LNX2: variants seen among roughly 807,000 people sequenced by gnomAD.
LNX2 encodes ligand of Numb protein X 2.
A neutral mutation model predicts 66.2 loss-of-function variants in LNX2; 35 were observed. The observed-to-expected ratio is 0.53, with a 90% CI of 0.40 to 0.70. LNX2 has a LOEUF of 0.70. LNX2 is among the 30% of genes least tolerant of loss of function. The pLI, the probability that LNX2 is intolerant of heterozygous loss-of-function variation, is 0.00. For missense variants in LNX2, 791 were observed against 850.8 expected (o/e 0.93, Z 0.87); for synonymous variants, 337 against 315.6 (o/e 1.07, Z -0.72).
At chr13:27,560,565 G>GTATATATATATA (rs71083675) in intron 5 of LNX2, among the ~76,000 whole-genome samples, 12,977 of 119,550 alleles carry the variant, frequency 0.11, 1,302 homozygotes, top group African/African-American at 0.22. Flanking sequence ...ATGTATGTGT[G>GTATATATATATA]TATATATATA....
intron 2 of LNX2, among the ~76,000 whole-genome samples, chr13:27,571,984 A>T (rs1955286586): frequency 1.3e-5 from 2 of 152,222 alleles, no homozygotes; most frequent in Admixed American, 6.5e-5. Flanking sequence ...AGCCAACATC[A>T]CACAGATATT....
chr13:27,550,470 A>G lies in LNX2; in HGVS notation c.1800T>C (p.Asp600=), dbSNP rs2138308890. ...GLPSTLHSCH[D]IVLRRSYLGS... is the part of the protein sequence containing the mutation. ...CCAAGTAACTTCTTCGTAAAACTAT[A>G]TCGTGGCAGCTATGAAGTGTGCTAT... The change falls in exon 9 of 10, where the codon GAT becomes GAC. Residue 600 remains aspartate, a synonymous_variant. Transcript: ENST00000316334. The G allele has an allele frequency of 6.2e-7, 1 of 1,614,088 alleles. No individual in the cohort carries two copies.
At chr13:27,549,140 C>T (rs1954976836) in intron 9 of LNX2, among the ~76,000 whole-genome samples, 2 of 152,132 alleles carry the variant, frequency 1.3e-5, no homozygotes, top group South Asian at 2.1e-4. Flanking sequence ...ATTCATTTTT[C>T]CCTACTCTGT....
chr13:27,606,910 C>T (rs771562987), intron 1 of LNX2, among the ~76,000 whole-genome samples: 13 of 152,178 alleles, frequency 8.5e-5, no homozygotes, highest in Non-Finnish European at 1.3e-4. Flanking sequence ...AAGATCTTCA[C>T]ATCAAAAATA....
At chr13:27,596,094 T>C (rs1346704940) in intron 1 of LNX2, among the ~76,000 whole-genome samples, 1 of 152,204 alleles carries the variant, frequency 6.6e-6, no homozygotes, top group Non-Finnish European at 1.5e-5. Flanking sequence ...TTGAACTGCA[T>C]GGGTTCACTC....
Position 27,562,480 on chromosome 13 carries a change from C to T in LNX2, c.1157G>A (p.Arg386Gln), listed in dbSNP as rs756394784. The T allele has an allele frequency of 5.6e-6, 9 of 1,614,128 alleles. No individual in the cohort carries two copies. The highest frequency in any genetic ancestry group is 7.6e-6 in the Non-Finnish European group (9 of 1,179,992). Reference protein sequence around the residue: ...AQDGRLSSNDRVLAINGHDLK... With the variant: ...AQDGRLSSNDQVLAINGHDLK... Reference sequence around the variant, plus strand: ...GTCGTGCCCATTGATGGCCAGCACTCGGTCATTGCTGCTTAGCCTGCCGTC... The same window carrying T: ...GTCGTGCCCATTGATGGCCAGCACTTGGTCATTGCTGCTTAGCCTGCCGTC... Residue 386 changes from arginine (R) to glutamine (Q), a missense_variant, in exon 5 of 10, where the codon CGA becomes CAA. Transcript: ENST00000316334.
At chr13:27,605,474 A>T (rs1313079297) in intron 1 of LNX2, among the ~76,000 whole-genome samples, 1 of 152,192 alleles carries the variant, frequency 6.6e-6, no homozygotes, top group Non-Finnish European at 1.5e-5. Context: ...AACTAAAATG[A>T]TCTTTAAAGT....
At chr13:27,594,269 T>C (rs896255135) in intron 1 of LNX2, among the ~76,000 whole-genome samples, 3 of 152,186 alleles carry the variant, frequency 2.0e-5, no homozygotes, top group Admixed American at 6.5e-5. Flanking sequence ...TTTATAACCT[T>C]AGCCCCAGTT....
intron 1 of LNX2, among the ~76,000 whole-genome samples, chr13:27,603,642 G>A (rs1233409579): frequency 6.6e-6 from 1 of 152,158 alleles, no homozygotes; most frequent in African/African-American, 2.4e-5. Flanking sequence ...GAGATAAACA[G>A]TTTCATGGTC....
At chr13:27,551,416 A>G (rs953645083) in intron 8 of LNX2, among the ~76,000 whole-genome samples, 1 of 152,088 alleles carries the variant, frequency 6.6e-6, no homozygotes, top group African/African-American at 2.4e-5. Context: ...AAATGTACTT[A>G]TGTTTCCATA....
At chr13:27,589,841 A>G (rs1021587418) in intron 1 of LNX2, among the ~76,000 whole-genome samples, 2 of 152,256 alleles carry the variant, frequency 1.3e-5, no homozygotes, top group Non-Finnish European at 2.9e-5. Context: ...ACCTCTGCCA[A>G]TAAGACCGCT....
intron 2 of LNX2, among the ~76,000 whole-genome samples, chr13:27,570,014 C>A (rs144943915): frequency 6.6e-6 from 1 of 152,264 alleles, no homozygotes; most frequent in East Asian, 1.9e-4. Flanking sequence ...CCGATGGATG[C>A]TTGTTTTTAA....
chr13:27,588,005 T>G (rs1955508629), intron 1 of LNX2, among the ~76,000 whole-genome samples: 1 of 122,644 alleles, frequency 8.2e-6, no homozygotes, highest in East Asian at 2.5e-4. Flanking sequence ...TGGGCAAGAG[T>G]GCGAGACTCT....
chr13:27,563,852 C>G (rs1332450358), intron 4 of LNX2, among the ~76,000 whole-genome samples: 1 of 152,204 alleles, frequency 6.6e-6, no homozygotes, highest in Admixed American at 6.5e-5. Context: ...TTTCAGAATT[C>G]AGTCACCAAA....
intron 1 of LNX2, among the ~76,000 whole-genome samples, chr13:27,600,510 A>G (rs1188086495): frequency 6.6e-6 from 1 of 152,248 alleles, no homozygotes; most frequent in Non-Finnish European, 1.5e-5. Context: ...GTAGGTAAAG[A>G]AATCTGTAAG....
At chr13:27,614,831 G>A (rs1327478241) in intron 1 of LNX2, among the ~76,000 whole-genome samples, 1 of 151,990 alleles carries the variant, frequency 6.6e-6, no homozygotes, top group Non-Finnish European at 1.5e-5. Context: ...GGAAGGGGGT[G>A]GCAGGTATAA....
chr13:27,574,098 C>T (rs958952591), intron 2 of LNX2, among the ~76,000 whole-genome samples: 1 of 152,038 alleles, frequency 6.6e-6, no homozygotes, highest in Non-Finnish European at 1.5e-5. Context: ...AAGAAAATAT[C>T]AATAAAGAAA....
intron 2 of LNX2, among the ~76,000 whole-genome samples, chr13:27,578,879 C>CA (rs746210532): frequency 1.3e-5 from 2 of 152,226 alleles, no homozygotes; most frequent in African/African-American, 4.8e-5. Context: ...ATCCTGTCTG[C>CA]ATCCTGACTC....
At chr13:27,578,690 A>AG (rs1955366762) in intron 2 of LNX2, among the ~76,000 whole-genome samples, 1 of 152,166 alleles carries the variant, frequency 6.6e-6, no homozygotes, top group Non-Finnish European at 1.5e-5. Context: ...GGCTACCTGT[A>AG]GCCTCTCCAG....
Sources: allele counts gnomAD v4.1 joint callset (sites outside exome capture counted in the v4.1 genomes callset), GRCh38; gene constraint gnomAD v4.1.1; transcripts MANE v1.5; gene names NCBI Gene and HGNC (gene_info 2026-07-23, HGNC 2026-07-21).